The following CNTN6 variants were observed in gnomAD, a reference collection of about 807,000 sequenced individuals.
The protein encoded by CNTN6 is contactin-6.
Under a neutral mutation model 122.8 loss-of-function variants are expected in CNTN6, and 137 were observed. The observed-to-expected ratio is 1.12, with a 90% CI of 0.97 to 1.29. CNTN6 has a LOEUF of 1.29. CNTN6 is among the 50% of genes most tolerant of loss of function. The pLI, the probability that CNTN6 is intolerant of heterozygous loss-of-function variation, is 0.00. For synonymous variants in CNTN6, 570 were observed against 426.0 expected (o/e 1.34, Z -4.16); for missense variants, 1,634 against 1,223.4 (o/e 1.34, Z -5.01).
At chr3:1,196,194 T>C (rs2093775817) in intron 2 of CNTN6, among the ~76,000 whole-genome samples, 1 of 152,218 alleles carries the variant, frequency 6.6e-6, no homozygotes, top group Non-Finnish European at 1.5e-5. Flanking sequence ...GGCTGAGCAT[T>C]CATCGTGAGA....
intron 20 of CNTN6, among the ~76,000 whole-genome samples, chr3:1,394,912 C>T (rs1359539528): frequency 6.6e-6 from 1 of 152,116 alleles, no homozygotes; most frequent in African/African-American, 2.4e-5. Flanking sequence ...CAAGACACAA[C>T]GTTAGAATAC....
intron 4 of CNTN6, among the ~76,000 whole-genome samples, chr3:1,251,593 C>G (rs1448276201): frequency 1.3e-5 from 2 of 152,042 alleles, no homozygotes; most frequent in African/African-American, 4.8e-5. Context: ...AGTGAAAAAT[C>G]CAACTATGAC....
At chr3:1,217,544 G>A (rs1457826537) in intron 2 of CNTN6, among the ~76,000 whole-genome samples, 5 of 152,314 alleles carry the variant, frequency 3.3e-5, no homozygotes, top group African/African-American at 9.6e-5. Flanking sequence ...ATCATGCCGA[G>A]AGACATCAAT....
In CNTN6 at chr3:1,321,737, A is replaced by G. The variant is rs1469553309; in HGVS notation, c.849A>G (p.Glu283=). The G allele has an allele frequency of 6.2e-7, 1 of 1,611,840 alleles. No homozygotes were observed. The highest frequency in any genetic ancestry group is 1.3e-5 in the African/African-American group (1 of 74,692). Residue 283 remains glutamate (E), a synonymous_variant, in exon 8 of 23, where the codon GAA becomes GAG. Coordinates refer to ENST00000446702, the MANE Select transcript of CNTN6 (RefSeq NM_001289080.2). ...VKYSKSQAIL[E]IPNFQQEDEG... ...ACAGCAAATCCCAAGCTATCCTTGAAATCCCGAACTTCCAACAAGAAGATG... is the reference window on the plus strand; with the variant it reads ...ACAGCAAATCCCAAGCTATCCTTGAGATCCCGAACTTCCAACAAGAAGATG...
chr3:1,176,375 C>T (rs1188959656), intron 2 of CNTN6, among the ~76,000 whole-genome samples: 1 of 152,178 alleles, frequency 6.6e-6, no homozygotes, highest in Non-Finnish European at 1.5e-5. Flanking sequence ...CAAGATCGTG[C>T]ACCGCACCTG....
intron 20 of CNTN6, among the ~76,000 whole-genome samples, chr3:1,400,455 C>T: frequency 6.6e-6 from 1 of 151,412 alleles, no homozygotes; most frequent in Non-Finnish European, 1.5e-5. Flanking sequence ...CTAAATCTTT[C>T]ATCTCTTATC....
intron 1 of CNTN6, among the ~76,000 whole-genome samples, chr3:1,147,446 C>G (rs1381895214): frequency 1.3e-5 from 2 of 152,026 alleles, no homozygotes; most frequent in East Asian, 1.9e-4. Context: ...TGAGCTTATT[C>G]TAAATTTTTA....
chr3:1,317,472 T>G (rs1344448556), intron 7 of CNTN6, among the ~76,000 whole-genome samples: 2 of 151,780 alleles, frequency 1.3e-5, no homozygotes, highest in Non-Finnish European at 2.9e-5. Flanking sequence ...TTCAAAAAGG[T>G]TGATGCTTGT....
intron 4 of CNTN6, among the ~76,000 whole-genome samples, chr3:1,231,648 A>G (rs2094353724): frequency 2.0e-5 from 3 of 152,254 alleles, no homozygotes; most frequent in Non-Finnish European, 4.4e-5. Flanking sequence ...TCTGTCTTTA[A>G]CCAACTATGT....
intron 2 of CNTN6, among the ~76,000 whole-genome samples, chr3:1,159,522 C>G (rs1284004013): frequency 2.0e-5 from 3 of 152,012 alleles, no homozygotes; most frequent in Non-Finnish European, 4.4e-5. Flanking sequence ...ACTGGGGAAA[C>G]TGAAACCACA....
At chr3:1,346,898 A>G (rs977371693) in intron 11 of CNTN6, among the ~76,000 whole-genome samples, 2 of 152,146 alleles carry the variant, frequency 1.3e-5, no homozygotes, top group African/African-American at 2.4e-5. Flanking sequence ...ATAGAAGGTA[A>G]TAGGTACAAA....
At chr3:1,287,933 G>T (rs1287501425) in intron 5 of CNTN6, among the ~76,000 whole-genome samples, 3 of 152,158 alleles carry the variant, frequency 2.0e-5, no homozygotes, top group African/African-American at 7.2e-5. Flanking sequence ...AAAATAGCCA[G>T]CTCTGAAGTA....
chr3:1,094,285 CAT>C (rs1261862733), intron 1 of CNTN6, among the ~76,000 whole-genome samples: 21 of 152,096 alleles, frequency 1.4e-4, no homozygotes, highest in Non-Finnish European at 1.6e-4. Flanking sequence ...CCTTCACACA[CAT>C]GTGTAAACAT....
At chr3:1,301,415 C>G (rs780472177) in intron 7 of CNTN6, among the ~76,000 whole-genome samples, 22 of 152,068 alleles carry the variant, frequency 1.4e-4, no homozygotes, top group Non-Finnish European at 3.1e-4. Context: ...TTAAAAAACT[C>G]TCAAAATGTA....
chr3:1,095,434 G>A (rs2090476846), intron 1 of CNTN6, among the ~76,000 whole-genome samples: 1 of 152,170 alleles, frequency 6.6e-6, no homozygotes. Context: ...TCGCGCCATT[G>A]CCCTCCAGCC....
chr3:1,168,578 T>C (rs976934598), intron 2 of CNTN6, among the ~76,000 whole-genome samples: 1 of 151,730 alleles, frequency 6.6e-6, no homozygotes, highest in African/African-American at 2.4e-5. Context: ...TAAGGAGTTA[T>C]CTTGGGAGTG....
At chr3:1,220,656 T>A in intron 2 of CNTN6, 31 bp from the exon 3 acceptor site, 1 of 1,572,104 alleles carries the variant, frequency 6.4e-7, no homozygotes, top group Non-Finnish European at 8.6e-7. Context: ...GCCACTTTTT[T>A]TTCATGTGAT....
At chr3:1,321,450 A>T (rs1382059555) in intron 7 of CNTN6, among the ~76,000 whole-genome samples, 200 bp from the exon 8 acceptor site, 1 of 151,806 alleles carries the variant, frequency 6.6e-6, no homozygotes, top group Admixed American at 6.6e-5. Context: ...AGTGACTTGC[A>T]TACGGCAGGC....
At chr3:1,211,794 A>G (rs796807991) in intron 2 of CNTN6, among the ~76,000 whole-genome samples, 9 of 152,256 alleles carry the variant, frequency 5.9e-5, no homozygotes, top group African/African-American at 1.9e-4. Context: ...AGAGACTAGC[A>G]TCTCTTAATA....
Sources: gnomAD v4.1 joint callset for allele counts (sites outside exome capture counted in the v4.1 genomes callset) on GRCh38, gnomAD v4.1.1 for gene constraint, MANE v1.5 for transcripts, NCBI Gene and HGNC (gene_info 2026-07-23, HGNC 2026-07-21) for gene names.